MTUS1: variants seen among roughly 807,000 people sequenced by gnomAD.
The protein encoded by MTUS1 is microtubule-associated tumor suppressor 1.
In MTUS1, 109 loss-of-function variants were observed where a neutral mutation model predicts 120.8. That is an observed-to-expected ratio of 0.90 (90% CI 0.77 to 1.06). The LOEUF (loss-of-function observed/expected upper bound fraction) is 1.06, where lower values mean the gene tolerates loss of function less well. MTUS1 is among the 50% of genes least tolerant of loss of function. The probability of loss-of-function intolerance (pLI) is 0.00; values close to 1 mark genes in which losing one functional copy is unlikely to be tolerated. For synonymous variants in MTUS1, 737 were observed against 550.5 expected (o/e 1.34, Z -4.74); for missense variants, 2,210 against 1,486.3 (o/e 1.49, Z -8.01).
At chr8:17,683,671 G>A (rs1265119903) in intron 7 of MTUS1, among the ~76,000 whole-genome samples, 1 of 152,052 alleles carries the variant, frequency 6.6e-6, no homozygotes, top group East Asian at 1.9e-4. Context: ...AAGAGCTCAA[G>A]TTGTATTCTT....
intron 4 of MTUS1, among the ~76,000 whole-genome samples, chr8:17,718,000 A>C (rs1045445416): frequency 6.6e-6 from 1 of 152,248 alleles, no homozygotes; most frequent in Non-Finnish European, 1.5e-5. Flanking sequence ...CATATACTCT[A>C]TGATCAACGA....
At chr8:17,795,616 T>G (rs376517695) in intron 1 of MTUS1, among the ~76,000 whole-genome samples, 6 of 152,208 alleles carry the variant, frequency 3.9e-5, no homozygotes, top group African/African-American at 1.2e-4. Context: ...CTTTTATTTA[T>G]GTAGCTAATG....
At chr8:17,727,652 A>T (rs1237811568) in intron 3 of MTUS1, among the ~76,000 whole-genome samples, 2 of 152,074 alleles carry the variant, frequency 1.3e-5, no homozygotes, top group African/African-American at 4.8e-5. Flanking sequence ...TCAATACAGG[A>T]CTTCTCTGAG....
chr8:17,715,718 G>T, intron 5 of MTUS1, 49 bp downstream of exon 5: 1 of 1,546,658 alleles, frequency 6.5e-7, no homozygotes, highest in East Asian at 2.3e-5. Context: ...ACAAGCCAAG[G>T]ACTTTAAGCG....
At chr8:17,654,898 G>A (rs187226444) in intron 9 of MTUS1, 81 of 541,742 alleles carry the variant, frequency 1.5e-4, no homozygotes, top group African/African-American at 1.1e-3. Context: ...AGTCCAGCCT[G>A]GGCAATGTCG....
intron 8 of MTUS1, among the ~76,000 whole-genome samples, chr8:17,664,703 T>C (rs1047504963): frequency 6.6e-6 from 1 of 152,102 alleles, no homozygotes; most frequent in Non-Finnish European, 1.5e-5. Context: ...CATTCTACCG[T>C]AGGAGTGTGA....
chr8:17,707,957 A>G (rs531266111), intron 6 of MTUS1, among the ~76,000 whole-genome samples: 27 of 152,366 alleles, frequency 1.8e-4, no homozygotes, highest in African/African-American at 6.3e-4. Context: ...ATGTAACTCA[A>G]AATGAATCAG....
At chr8:17,670,084 G>C (rs940574880) in intron 8 of MTUS1, among the ~76,000 whole-genome samples, 1 of 152,200 alleles carries the variant, frequency 6.6e-6, no homozygotes, top group Non-Finnish European at 1.5e-5. Context: ...CGTGGAGGAT[G>C]GGGGAACAGG....
At chr8:17,664,965 T>C (rs1441364414) in intron 8 of MTUS1, among the ~76,000 whole-genome samples, 7 of 152,142 alleles carry the variant, frequency 4.6e-5, no homozygotes, top group African/African-American at 1.7e-4. Context: ...GCATGTCCAG[T>C]TTCCTGGGCC....
chr8:17,790,297 G>A (rs1563398905), intron 1 of MTUS1, among the ~76,000 whole-genome samples: 1 of 150,570 alleles, frequency 6.6e-6, no homozygotes, highest in Non-Finnish European at 1.5e-5. Flanking sequence ...GCCATGAGCC[G>A]AGATGAAGCC....
intron 6 of MTUS1, among the ~76,000 whole-genome samples, chr8:17,688,028 A>G (rs998582830): frequency 6.6e-6 from 1 of 152,200 alleles, no homozygotes; most frequent in Non-Finnish European, 1.5e-5. Flanking sequence ...CTGAGGACAC[A>G]TTCATTCTAG....
chr8:17,679,032 G>A (rs990458775), intron 7 of MTUS1, among the ~76,000 whole-genome samples: 2 of 152,148 alleles, frequency 1.3e-5, no homozygotes, highest in African/African-American at 2.4e-5. Context: ...ATATAAGAAT[G>A]TCTGATATGT....
chr8:17,800,969 G>A (rs561321378), intron 1 of MTUS1, 92 bp downstream of exon 1: 1 of 152,186 alleles, frequency 6.6e-6, no homozygotes, highest in East Asian at 2.0e-4. Flanking sequence ...CCCTCCCCGA[G>A]GACCGGTCCC....
chr8:17,743,427 G>C (rs1297937534), intron 3 of MTUS1, among the ~76,000 whole-genome samples, 177 bp downstream of exon 3: 3 of 152,126 alleles, frequency 2.0e-5, no homozygotes, highest in Non-Finnish European at 4.4e-5. Flanking sequence ...ACTAGCCTTT[G>C]CCTTGCTCAA....
At chr8:17,653,156 C>T (rs1807396616) in intron 12 of MTUS1, 30 bp downstream of exon 12, 2 of 1,312,960 alleles carry the variant, frequency 1.5e-6, no homozygotes, top group Non-Finnish European at 2.1e-6. Flanking sequence ...AGAAAAATTC[C>T]ATACTGATAA....
At chr8:17,768,822 C>T (rs1239209502) in intron 1 of MTUS1, among the ~76,000 whole-genome samples, 2 of 152,144 alleles carry the variant, frequency 1.3e-5, no homozygotes, top group Non-Finnish European at 2.9e-5. Context: ...CTGATATCAA[C>T]ACACCAGAAA....
At position 17,751,881 on chromosome 8, in the gene MTUS1, A is replaced by G. The variant is rs1400182744; in HGVS notation, c.2091+1836T>C. Among the ~76,000 whole-genome samples, 15 of 150,950 alleles carry G rather than the reference A, an allele frequency of 9.9e-5. No individual in the cohort carries two copies. The East Asian group carries it at 2.7e-3, about 27-fold the overall frequency. ...CTGCCTTAAAAAAAAAAAAAAAAAA[A>G]AAAAAGAAAGCAAAAAAGAAAAAAG... On this transcript the variant is annotated intron_variant, in intron 2 of 14. Coordinates refer to ENST00000693296, the MANE Select transcript of MTUS1 (RefSeq NM_001363059.2).
intron 6 of MTUS1, among the ~76,000 whole-genome samples, chr8:17,690,165 G>C (rs1475564789): frequency 6.6e-6 from 1 of 152,072 alleles, no homozygotes; most frequent in Non-Finnish European, 1.5e-5. Flanking sequence ...AGGAACGCTA[G>C]CAACTAGCAA....
chr8:17,746,307 T>C (rs2047737578), intron 2 of MTUS1, among the ~76,000 whole-genome samples: 2 of 152,140 alleles, frequency 1.3e-5, no homozygotes, highest in Non-Finnish European at 2.9e-5. Flanking sequence ...CCCATATACC[T>C]AACTTCTTTC....
Sources: allele counts gnomAD v4.1 joint callset (sites outside exome capture counted in the v4.1 genomes callset), GRCh38; gene constraint gnomAD v4.1.1; transcripts MANE v1.5; gene names NCBI Gene and HGNC (gene_info 2026-07-23, HGNC 2026-07-21).